Variants in LPAR2 observed in about 807,000 individuals in gnomAD.
The protein encoded by LPAR2 is G protein-coupled receptor.
LPAR2 carries 10 observed loss-of-function variants against 15.6 expected under a neutral mutation model. The observed-to-expected ratio is 0.64, with a 90% CI of 0.39 to 1.09. The LOEUF is 1.09. Ranked by LOEUF, LPAR2 falls within the 50% of genes least tolerant of loss-of-function variation. The pLI, the probability that LPAR2 is intolerant of heterozygous loss-of-function variation, is 0.01. For missense variants in LPAR2, 413 were observed against 484.6 expected, an observed-to-expected ratio of 0.85 and a Z score of 1.39; for synonymous variants, 204 against 207.4, an observed-to-expected ratio of 0.98 and a Z score of 0.14.
rs2061730403 is a variant in LPAR2, at chr19:19,624,484, T to C, written c.828A>G (p.Val276=). 6.2e-7 allele frequency: 1 copy of C among 1,614,112 alleles called. No homozygotes were observed. Among genetic ancestry groups the C allele is most frequent in the East Asian group, 2.2e-5 (1 of 44,874 alleles). The change falls in exon 3 of 3, where the codon GTA becomes GTG. Residue 276 remains valine (V), a synonymous_variant. Transcript: ENST00000407877. ...CGGCCAACAGTAGGAAGTACTTTTC[T>C]ACAGCCAGGACATTGCAGGACTCAC... is the stretch of plus-strand genomic sequence containing the variant.
chr19:19,625,688 CAGG>C (rs1327079660), intron 2 of LPAR2, among the ~76,000 whole-genome samples: 1 of 147,426 alleles, frequency 6.8e-6, no homozygotes, highest in East Asian at 2.1e-4. Flanking sequence ...GAGGCTGAGG[CAGG>C]AGAACCACTT....
At chr19:19,625,659 T>A (rs913104463) in intron 2 of LPAR2, among the ~76,000 whole-genome samples, 1 of 150,644 alleles carries the variant, frequency 6.6e-6, no homozygotes, top group Non-Finnish European at 1.5e-5. Context: ...GGCACGCACC[T>A]GTAGTCCCAG....
intron 2 of LPAR2, among the ~76,000 whole-genome samples, chr19:19,625,962 C>T (rs2061737849): frequency 6.8e-6 from 1 of 148,110 alleles, no homozygotes; most frequent in Non-Finnish European, 1.5e-5. Context: ...CGGCTCACCA[C>T]AACCTCCGCC....
intron 2 of LPAR2, among the ~76,000 whole-genome samples, chr19:19,624,923 C>T (rs1471287095): frequency 1.3e-5 from 2 of 151,896 alleles, no homozygotes; most frequent in African/African-American, 4.8e-5. Flanking sequence ...AAGCAATTCC[C>T]CCACCTCAGC....
Position 19,624,470 on chromosome 19 carries a change from A to T in LPAR2, c.842T>A (p.Leu281Gln), listed in dbSNP as rs772870757. The stretch of plus-strand genomic sequence containing the variant: ...CAGGGAGTTGGCCTCGGCCAACAGT[A>T]GGAAGTACTTTTCTACAGCCAGGAC... Residue 281 changes from leucine to glutamine, a missense_variant, in exon 3 of 3, where the codon CTA (leucine) becomes CAA (glutamine). Transcript: ENST00000407877. The T allele has an allele frequency of 5.0e-6, 8 of 1,613,992 alleles. No homozygotes were observed. The highest frequency in any genetic ancestry group is 3.4e-6 in the Non-Finnish European group (4 of 1,180,018).
chr19:19,627,587 C>A lies in LPAR2; in HGVS notation c.1-303G>T. 2.7e-6 allele frequency: 1 copy of A among 364,088 alleles called. No homozygotes were observed. Among genetic ancestry groups the A allele is most frequent in the African/African-American group, 2.1e-5 (1 of 47,950 alleles). 22.6% of individuals were successfully genotyped at this position (364,088 alleles called of 1,614,324 possible). A position where few individuals can be genotyped will look rare whatever the true frequency, so the allele number is the denominator to read the frequency against. On this transcript the variant is annotated intron_variant, in intron 1 of 2. Transcript: ENST00000407877. This position sits in a 1 kb window ranked among gnomAD's most constrained non-coding sequence, Gnocchi z 4.7. ...CCATCTATGGTCGAATCCCAGCCCA[C>A]CTGCCGCCAATGTGTGACCCGGTTT...
chr19:19,627,505 C>T lies in LPAR2; in HGVS notation c.1-221G>A. 1 of 571,710 alleles carries T rather than the reference C, an allele frequency of 1.7e-6. No homozygotes were observed. Among genetic ancestry groups the T allele is most frequent in the East Asian group, 2.9e-5 (1 of 34,238 alleles). The allele number at this position is 571,710 out of a possible 1,614,324, so 35.4% of individuals were successfully genotyped here. On this transcript the variant is annotated intron_variant, in intron 1 of 2. Coordinates refer to ENST00000407877, the MANE Select transcript of LPAR2 (RefSeq NM_004720.7). This position sits in a 1 kb window ranked among gnomAD's most constrained non-coding sequence, Gnocchi z 4.7. Reference sequence around the variant, plus strand: ...GCTGTTTCTTACCTACTAATAAGACCTGTGTGCAAGACATCACCCAAGTCA... The same window carrying T: ...GCTGTTTCTTACCTACTAATAAGACTTGTGTGCAAGACATCACCCAAGTCA...
Position 19,627,607 on chromosome 19 carries a change from C to G in LPAR2, c.1-323G>C, listed in dbSNP as rs765674822. On this transcript the variant is annotated intron_variant, in intron 1 of 2. Transcript: ENST00000407877. The surrounding 1 kb of genome is among the most constrained non-coding windows in gnomAD (Gnocchi z 4.7). The stretch of plus-strand genomic sequence containing the variant: ...GCCCACCTGCCGCCAATGTGTGACC[C>G]GGTTTGGGTTGTGGGGAGAGGAGGG... 1 of 342,174 alleles carries G rather than the reference C, an allele frequency of 2.9e-6. No individual in the cohort carries two copies. 21.2% of individuals were successfully genotyped at this position (342,174 alleles called of 1,614,324 possible).
In LPAR2 at chr19:19,627,036, C is replaced by T; in HGVS notation, c.249G>A (p.Val83=). Residue 83 remains valine (V), a synonymous_variant, in exon 2 of 3, where the codon GTG becomes GTA. Transcript: ENST00000407877. The surrounding 1 kb of genome is among the most constrained non-coding windows in gnomAD (Gnocchi z 4.7). Reference sequence around the variant, plus strand: ...TGTGGAACATGAGGAAGAGGTAGGCCACGCCCGCGAAGAGGTCAGCCGCGG... The same window carrying T: ...TGTGGAACATGAGGAAGAGGTAGGCTACGCCCGCGAAGAGGTCAGCCGCGG... The T allele has an allele frequency of 9.3e-6, 15 of 1,613,786 alleles. No homozygotes were observed. The highest frequency in any genetic ancestry group is 1.2e-5 in the Non-Finnish European group (14 of 1,179,988).
chr19:19,624,050 T>TC lies in LPAR2; in HGVS notation c.*205dup. 1.7e-6 allele frequency: 1 copy of TC among 594,904 alleles called. No individual in the cohort carries two copies. The highest frequency in any genetic ancestry group is 2.2e-5 in the South Asian group (1 of 44,606). 36.9% of individuals were successfully genotyped at this position (594,904 alleles called of 1,614,324 possible). On this transcript the variant is annotated 3_prime_UTR_variant, in exon 3 of 3. Coordinates refer to ENST00000407877, the MANE Select transcript of LPAR2 (RefSeq NM_004720.7). The stretch of plus-strand genomic sequence containing the variant: ...GCCAGATTCCTGCACCCCATCTGAC[T>TC]CCCCCAGGCAGTGGGAGATGACCCA...
At chr19:19,625,374 G>C (rs1033299052) in intron 2 of LPAR2, among the ~76,000 whole-genome samples, 2 of 151,366 alleles carry the variant, frequency 1.3e-5, no homozygotes, top group African/African-American at 4.9e-5. Context: ...AAACTGAGGC[G>C]GGAGGATCAC....
At position 19,624,830 on chromosome 19, in the gene LPAR2, T is replaced by A. The variant is rs796609912; in HGVS notation, c.743-261A>T. ...GTGTGTGTGTGTGTGTGTGTGTGTG[T>A]GTGAGATGGAGTCTCGCTCTGTCGC... On this transcript the variant is annotated intron_variant, in intron 2 of 2. Transcript: ENST00000407877. Among the ~76,000 whole-genome samples, 1,075 of 147,858 alleles carry A rather than the reference T, an allele frequency of 7.3e-3. 18 individuals carry two copies. The highest frequency in any genetic ancestry group is 0.027 in the African/African-American group (1,027 of 38,674).
chr19:19,627,428 G>A lies in LPAR2; in HGVS notation c.1-144C>T, dbSNP rs2061748007. On this transcript the variant is annotated intron_variant, in intron 1 of 2. Transcript: ENST00000407877. The surrounding 1 kb of genome is among the most constrained non-coding windows in gnomAD (Gnocchi z 4.7). ...GCAAAGTGGCAGTGGTGAGGACTAC[G>A]GTGGCCTGGAAAAAGCAAGCTCCAT... The A allele has an allele frequency of 2.4e-6, 2 of 816,616 alleles. No individual in the cohort carries two copies. The highest frequency in any genetic ancestry group is 3.8e-6 in the Non-Finnish European group (2 of 521,168). The allele number at this position is 816,616 out of a possible 1,614,324, so 50.6% of individuals were successfully genotyped here. A position where few individuals can be genotyped will look rare whatever the true frequency, so the allele number is the denominator to read the frequency against.
At position 19,626,826 on chromosome 19, in the gene LPAR2, G is replaced by T; in HGVS notation, c.459C>A (p.Gly153=). The T allele has an allele frequency of 1.3e-6, 2 of 1,596,028 alleles. No homozygotes were observed. The highest frequency in any genetic ancestry group is 1.8e-5 in the Admixed American group (1 of 56,576). Residue 153 remains glycine, a synonymous_variant, in exon 2 of 3, where the codon GGC becomes GGA. Transcript: ENST00000407877. The surrounding 1 kb of genome is among the most constrained non-coding windows in gnomAD (Gnocchi z 5.3). ...CCAGGCCCAGGGCAGCCACCCACAC[G>T]CCCACAATGAGCATGACCACGCGGC... is the stretch of plus-strand genomic sequence containing the variant.
chr19:19,625,889 T>G (rs1490923168), intron 2 of LPAR2, among the ~76,000 whole-genome samples: 1 of 151,036 alleles, frequency 6.6e-6, no homozygotes, highest in Non-Finnish European at 1.5e-5. Context: ...TTTTTTTTTT[T>G]TCTGAGACAG....
At position 19,626,676 on chromosome 19, in the gene LPAR2, G is replaced by A. The variant is rs1179879121; in HGVS notation, c.609C>T (p.Leu203=). The A allele has an allele frequency of 3.7e-6, 6 of 1,613,538 alleles. No homozygotes were observed. Among genetic ancestry groups the A allele is most frequent in the Admixed American group, 1.7e-5 (1 of 60,010 alleles). ...AAATGCGGGTGTACACAGCCACCAT[G>A]AGCAGGAAGACAAGCAGGCTCGACA... is the stretch of plus-strand genomic sequence containing the variant. Residue 203 remains leucine (L), a synonymous_variant, in exon 2 of 3, where the codon CTC becomes CTT. Coordinates refer to ENST00000407877, the MANE Select transcript of LPAR2 (RefSeq NM_004720.7). The surrounding 1 kb of genome is among the most constrained non-coding windows in gnomAD (Gnocchi z 5.3).
In LPAR2 at chr19:19,626,407, C is replaced by T. The variant is rs992625974; in HGVS notation, c.742+136G>A. 8.0e-6 allele frequency: 9 copies of T among 1,121,044 alleles called. No individual in the cohort carries two copies. Among genetic ancestry groups the T allele is most frequent in the Non-Finnish European group, 1.0e-5 (8 of 775,484 alleles). The allele number at this position is 1,121,044 out of a possible 1,614,324, so 69.4% of individuals were successfully genotyped here. A position where few individuals can be genotyped will look rare whatever the true frequency, so the allele number is the denominator to read the frequency against. On this transcript the variant is annotated intron_variant, in intron 2 of 2. Transcript: ENST00000407877. This position sits in a 1 kb window ranked among gnomAD's most constrained non-coding sequence, Gnocchi z 5.3. ...CCTCTGCTCACATACATTATCACCT[C>T]CTTGGAGGACATTCCCCACCTAAAT...
At position 19,627,183 on chromosome 19, in the gene LPAR2, G is replaced by A. The variant is rs150741448; in HGVS notation, c.102C>T (p.Val34=). Reference sequence around the variant, plus strand: ...TGACGGTCAGCCCCAGTGCCACCACGACCACATCCTTGGGCCGCCAGTGGG... The same window carrying A: ...TGACGGTCAGCCCCAGTGCCACCACAACCACATCCTTGGGCCGCCAGTGGG... The change falls in exon 2 of 3, where the codon GTC becomes GTT. Residue 34 remains valine (V), a synonymous_variant. Transcript: ENST00000407877. The surrounding 1 kb of genome is among the most constrained non-coding windows in gnomAD (Gnocchi z 4.7). 4,833 of 1,613,104 alleles carry A rather than the reference G, an allele frequency of 3.0e-3. 12 individuals are homozygous for A. Among genetic ancestry groups the A allele is most frequent in the Middle Eastern group, 6.1e-3 (37 of 6,062 alleles).
In LPAR2 at chr19:19,624,471, G is replaced by A; in HGVS notation, c.841C>T (p.Leu281=). ...AGGGAGTTGGCCTCGGCCAACAGTA[G>A]GAAGTACTTTTCTACAGCCAGGACA... Residue 281 remains leucine (L), a synonymous_variant, in exon 3 of 3, where the codon CTA becomes TTA. Transcript: ENST00000407877. The A allele has an allele frequency of 6.2e-7, 1 of 1,614,096 alleles. No individual in the cohort carries two copies. Among genetic ancestry groups the A allele is most frequent in the South Asian group, 1.1e-5 (1 of 91,086 alleles).
Sources: allele counts gnomAD v4.1 joint callset (sites outside exome capture counted in the v4.1 genomes callset), GRCh38; gene constraint gnomAD v4.1.1; non-coding constraint Gnocchi (gnomAD v3.1); transcripts MANE v1.5; gene names NCBI Gene and HGNC (gene_info 2026-07-23, HGNC 2026-07-21).